The following SV2C variants were observed in gnomAD, a reference collection of about 807,000 sequenced individuals.
SV2C encodes the protein solute carrier family 22 member B3.
Under a neutral mutation model 79.7 loss-of-function variants are expected in SV2C, and 49 were observed. The observed-to-expected ratio is 0.61, with a 90% CI of 0.49 to 0.78. SV2C has a LOEUF of 0.78. Ranked by LOEUF, SV2C falls within the 30% of genes least tolerant of loss-of-function variation. The pLI is 0.00. For missense variants in SV2C, 833 were observed against 912.9 expected (o/e 0.91, Z 1.13); for synonymous variants, 334 against 333.2 (o/e 1.00, Z -0.03).
the SV2C span, among the ~76,000 whole-genome samples, chr5:76,006,051 C>T: frequency 6.6e-6 from 1 of 152,300 alleles, no homozygotes; most frequent in African/African-American, 2.4e-5. Flanking sequence ...ACCACGGAAG[C>T]AGTTTCCTCA....
At chr5:75,989,978 TG>T in the SV2C span, among the ~76,000 whole-genome samples, 283 of 68,556 alleles carry the variant, frequency 4.1e-3, 2 homozygotes, top group Admixed American at 0.012. Flanking sequence ...CCCTTTTTAA[TG>T]GGGTTTTTTT....
intron 4 of SV2C, among the ~76,000 whole-genome samples, chr5:76,258,956 G>A (rs547379475): frequency 2.0e-4 from 31 of 152,252 alleles, no homozygotes; most frequent in African/African-American, 7.5e-4. Context: ...ATTCATCCTG[G>A]TTGTTGCATG....
At chr5:75,892,957 G>T in the SV2C span, among the ~76,000 whole-genome samples, 1 of 152,048 alleles carries the variant, frequency 6.6e-6, no homozygotes. Context: ...GGATTGCTGG[G>T]ATGATTGGTA....
At chr5:76,291,404 T>C in intron 7 of SV2C, 73 bp downstream of exon 7, 1 of 1,248,818 alleles carries the variant, frequency 8.0e-7, no homozygotes, top group South Asian at 1.5e-5. Context: ...AGGGGTTTAC[T>C]GGGCCTGCCC....
chr5:76,140,355 G>C (rs1749210612), intron 2 of SV2C, among the ~76,000 whole-genome samples: 1 of 152,114 alleles, frequency 6.6e-6, no homozygotes, highest in Non-Finnish European at 1.5e-5. Context: ...GACCTTCTAG[G>C]AAGGGTAGTT....
At chr5:75,999,431 C>A in the SV2C span, among the ~76,000 whole-genome samples, 1 of 150,080 alleles carries the variant, frequency 6.7e-6, no homozygotes, top group Non-Finnish European at 1.5e-5. Context: ...GAAATTAGCT[C>A]CCACAGTTAT....
intron 3 of SV2C, among the ~76,000 whole-genome samples, chr5:76,203,354 A>T (rs1744510988): frequency 4.6e-5 from 7 of 152,136 alleles, no homozygotes; most frequent in Admixed American, 3.9e-4. Flanking sequence ...GGGTGGGAGG[A>T]TGAGTGCAGG....
intron 1 of SV2C, among the ~76,000 whole-genome samples, chr5:76,128,172 C>T (rs1395254110): frequency 6.6e-6 from 1 of 152,160 alleles, no homozygotes; most frequent in Admixed American, 6.5e-5. Flanking sequence ...GTTAGAGTTT[C>T]ATTGCTTTGC....
chr5:76,131,978 T>C lies in SV2C; in HGVS notation c.228T>C (p.Ser76=). 1 of 1,613,722 alleles carries C rather than the reference T, an allele frequency of 6.2e-7. No homozygotes were observed. The highest frequency in any genetic ancestry group is 8.5e-7 in the Non-Finnish European group (1 of 1,179,878). Reference sequence around the variant, plus strand: ...AGGCCAACGATGACGAAGGCTCAAGTGAAGCCACTGAGGGGCATGATGAAG... The same window carrying C: ...AGGCCAACGATGACGAAGGCTCAAGCGAAGCCACTGAGGGGCATGATGAAG... ...NGEANDDEGS[S]EATEGHDEDD... is the part of the protein sequence containing the mutation. The change falls in exon 2 of 13, where the codon AGT becomes AGC. Residue 76 remains serine, a synonymous_variant. Coordinates refer to ENST00000502798, the MANE Select transcript of SV2C (RefSeq NM_014979.4).
the SV2C span, among the ~76,000 whole-genome samples, chr5:75,929,094 C>T: frequency 1.3e-5 from 2 of 152,084 alleles, no homozygotes; most frequent in South Asian, 2.1e-4. Flanking sequence ...TAAAAAGTTC[C>T]CTGGTGTCCC....
At chr5:76,056,624 CTTTTTTTT>C in the SV2C span, among the ~76,000 whole-genome samples, 5 of 65,712 alleles carry the variant, frequency 7.6e-5, no homozygotes, top group East Asian at 1.5e-3. Flanking sequence ...CCTGGGCTTT[CTTTTTTTT>C]TTTTTTTTTT....
chr5:76,038,341 G>A, the SV2C span, among the ~76,000 whole-genome samples: 2 of 152,360 alleles, frequency 1.3e-5, no homozygotes, highest in East Asian at 1.9e-4. Flanking sequence ...TTGAGGGTTA[G>A]GGGAAAGTGC....
At chr5:76,183,451 T>C (rs1743816951) in intron 2 of SV2C, among the ~76,000 whole-genome samples, 1 of 152,140 alleles carries the variant, frequency 6.6e-6, no homozygotes, top group Non-Finnish European at 1.5e-5. Flanking sequence ...AATCTCATGT[T>C]AAATTGGAAT....
the SV2C span, among the ~76,000 whole-genome samples, chr5:75,929,056 C>G: frequency 5.3e-5 from 8 of 152,242 alleles, no homozygotes; most frequent in African/African-American, 1.7e-4. Flanking sequence ...TTCAAATTCT[C>G]TCTGCTTAGA....
chr5:76,196,877 CTG>C (rs993871421), intron 3 of SV2C, among the ~76,000 whole-genome samples: 1 of 152,120 alleles, frequency 6.6e-6, no homozygotes, highest in African/African-American at 2.4e-5. Flanking sequence ...AAAAGGTCCA[CTG>C]TGGTGGCTGC....
At chr5:75,921,070 G>T in the SV2C span, 1 of 757,682 alleles carries the variant, frequency 1.3e-6, no homozygotes, top group South Asian at 1.6e-5. Context: ...AGCGGGCAGT[G>T]TCAGGGATGG....
Position 76,273,146 on chromosome 5 carries a change from G to GATATATATATAT in SV2C, c.914-12002_914-11991dup, listed in dbSNP as rs369657969. On this transcript the variant is annotated intron_variant, in intron 4 of 12. Transcript: ENST00000502798. ...TTGCATAAAAATCTTTTACAAAAAA[G>GATATATATATAT]ATATATATATATATATATATATATA... 1.0e-3 allele frequency among the ~76,000 whole-genome samples: 130 copies of GATATATATATAT among 129,056 alleles called. 1 individual carries two copies. Among genetic ancestry groups the GATATATATATAT allele is most frequent in the African/African-American group, 3.5e-3 (122 of 34,498 alleles). The allele number at this position is 129,056 out of a possible 152,430, so 84.7% of individuals were successfully genotyped here.
chr5:76,026,533 C>G, the SV2C span, among the ~76,000 whole-genome samples: 1 of 152,152 alleles, frequency 6.6e-6, no homozygotes, highest in Non-Finnish European at 1.5e-5. Flanking sequence ...CATCCTTATC[C>G]TCCCACTGCA....
chr5:76,300,595 C>A, intron 10 of SV2C, 134 bp from the exon 11 acceptor site: 1 of 853,980 alleles, frequency 1.2e-6, no homozygotes, highest in Non-Finnish European at 1.8e-6. Flanking sequence ...CCCAAAAAGT[C>A]AAGCTAGCAT....
Sources: allele counts gnomAD v4.1 joint callset (sites outside exome capture counted in the v4.1 genomes callset), GRCh38; gene constraint gnomAD v4.1.1; transcripts MANE v1.5; gene names NCBI Gene and HGNC (gene_info 2026-07-23, HGNC 2026-07-21).